Variants in MAML3 observed in about 807,000 individuals in gnomAD.
The protein encoded by MAML3 is mastermind like transcriptional coactivator 3, also known as mastermind-like protein 3.
Under a neutral mutation model 101.9 loss-of-function variants are expected in MAML3, and 27 were observed. The ratio of observed to expected loss-of-function variants is 0.27; its 90% confidence interval spans 0.20 to 0.37. The LOEUF is 0.37. Among genes scored for constraint, MAML3 ranks in the 10% least tolerant of loss-of-function variants. The probability of loss-of-function intolerance (pLI) is 1.00; values close to 1 mark genes in which losing one functional copy is unlikely to be tolerated. For missense variants in MAML3, 1,316 were observed against 1,444.9 expected (o/e 0.91, Z 1.45); for synonymous variants, 501 against 555.9 (o/e 0.90, Z 1.39).
intron 1 of MAML3, among the ~76,000 whole-genome samples, chr4:140,115,532 G>A (rs1728503885): frequency 6.6e-6 from 1 of 152,154 alleles, no homozygotes; most frequent in African/African-American, 2.4e-5. Context: ...CTAACACCAA[G>A]ACTGATCTGG....
intron 3 of MAML3, 36 bp downstream of exon 3, chr4:139,730,380 G>T (rs1728650896): frequency 1.3e-6 from 2 of 1,500,234 alleles, no homozygotes; most frequent in East Asian, 4.9e-5. Context: ...AGTGCTTGCT[G>T]AATGAATGAA....
At chr4:140,086,439 T>C (rs1727953510) in intron 1 of MAML3, among the ~76,000 whole-genome samples, 1 of 152,230 alleles carries the variant, frequency 6.6e-6, no homozygotes, top group Non-Finnish European at 1.5e-5. Context: ...TTCAAGTGGT[T>C]TTACATGCTT....
intron 2 of MAML3, among the ~76,000 whole-genome samples, chr4:139,825,261 G>A (rs1560805454): frequency 6.6e-6 from 1 of 152,086 alleles, no homozygotes; most frequent in Non-Finnish European, 1.5e-5. Context: ...GTGGGGTGAG[G>A]GGTGGCTGTG....
At chr4:140,104,413 A>ATT (rs1728314630) in intron 1 of MAML3, among the ~76,000 whole-genome samples, 13 of 29,674 alleles carry the variant, frequency 4.4e-4, no homozygotes, top group African/African-American at 1.0e-3. Flanking sequence ...TATATAATAT[A>ATT]ATATATAATA....
chr4:139,773,625 A>C (rs1366826074), intron 2 of MAML3, among the ~76,000 whole-genome samples: 3 of 152,234 alleles, frequency 2.0e-5, no homozygotes, highest in Non-Finnish European at 4.4e-5. Flanking sequence ...ATGGGTACAG[A>C]AGATGAGCCT....
At chr4:139,755,464 C>T (rs754370817) in intron 2 of MAML3, among the ~76,000 whole-genome samples, 2 of 152,004 alleles carry the variant, frequency 1.3e-5, no homozygotes, top group Admixed American at 6.6e-5. Flanking sequence ...AAAAATTAGC[C>T]GGGTGTGGTG....
chr4:139,950,461 G>C (rs1442841358), intron 1 of MAML3, among the ~76,000 whole-genome samples: 1 of 152,086 alleles, frequency 6.6e-6, no homozygotes, highest in Non-Finnish European at 1.5e-5. Flanking sequence ...TCCTCTATTT[G>C]TTCTGTCTCT....
At chr4:139,943,690 C>T (rs1028857986) in intron 1 of MAML3, among the ~76,000 whole-genome samples, 3 of 152,114 alleles carry the variant, frequency 2.0e-5, no homozygotes, top group African/African-American at 7.2e-5. Context: ...AATGCCTACA[C>T]TGAATGTACA....
chr4:140,117,127 C>T (rs1255710155), intron 1 of MAML3, among the ~76,000 whole-genome samples: 2 of 152,066 alleles, frequency 1.3e-5, no homozygotes, highest in Non-Finnish European at 2.9e-5. Flanking sequence ...TCCTTTTACC[C>T]TTAGTGTGAT....
At chr4:140,023,301 A>T (rs1726766437) in intron 1 of MAML3, among the ~76,000 whole-genome samples, 1 of 152,226 alleles carries the variant, frequency 6.6e-6, no homozygotes. Flanking sequence ...CGTTCTGTCC[A>T]GTCATGCAGC....
chr4:140,122,239 T>TAA (rs1553977870), intron 1 of MAML3, among the ~76,000 whole-genome samples: 3 of 150,148 alleles, frequency 2.0e-5, no homozygotes, highest in African/African-American at 7.4e-5. Context: ...TTTTTTTTTT[T>TAA]AAACAGAGTT....
chr4:139,761,543 C>T (rs917480843), intron 2 of MAML3, among the ~76,000 whole-genome samples: 10 of 152,228 alleles, frequency 6.6e-5, no homozygotes, highest in Admixed American at 2.6e-4. Flanking sequence ...CAGTTCCTAA[C>T]CTTCTCCACT....
At chr4:140,139,489 G>A (rs923100243) in intron 1 of MAML3, among the ~76,000 whole-genome samples, 10 of 152,030 alleles carry the variant, frequency 6.6e-5, no homozygotes, top group African/African-American at 1.7e-4. Context: ...ACAGGAGTTC[G>A]AGACCAGCCT....
chr4:140,116,741 A>G (rs147014416), intron 1 of MAML3, among the ~76,000 whole-genome samples: 1,959 of 152,314 alleles, frequency 0.013, 45 homozygotes, highest in African/African-American at 0.045. Context: ...AGGTTTTTAG[A>G]AAGCTAAACA....
At chr4:140,011,233 CAT>C (rs70943468) in intron 1 of MAML3, among the ~76,000 whole-genome samples, 59 of 119,904 alleles carry the variant, frequency 4.9e-4, no homozygotes, top group African/African-American at 1.2e-3. Context: ...ATAAAGTGTG[CAT>C]ATATATATAT....
chr4:140,030,331 G>A (rs1314457906), intron 1 of MAML3, among the ~76,000 whole-genome samples: 9 of 152,196 alleles, frequency 5.9e-5, no homozygotes. Flanking sequence ...ATAAGGCACT[G>A]GACAACACAC....
intron 2 of MAML3, among the ~76,000 whole-genome samples, chr4:139,869,930 T>A (rs552928682): frequency 3.3e-5 from 5 of 152,356 alleles, no homozygotes; most frequent in African/African-American, 1.2e-4. Context: ...CAAAATTGCA[T>A]AAGGTTTAAG....
At chr4:139,904,229 T>C (rs1732775909) in intron 1 of MAML3, among the ~76,000 whole-genome samples, 1 of 152,226 alleles carries the variant, frequency 6.6e-6, no homozygotes, top group Non-Finnish European at 1.5e-5. Context: ...CCACCCAGTG[T>C]GTGGTACTGG....
chr4:140,069,791 T>A (rs1727613695), intron 1 of MAML3, among the ~76,000 whole-genome samples: 1 of 150,984 alleles, frequency 6.6e-6, no homozygotes, highest in East Asian at 2.0e-4. Context: ...AATCATACCA[T>A]GGAGAAAGAT....
Sources: allele counts gnomAD v4.1 joint callset (sites outside exome capture counted in the v4.1 genomes callset), GRCh38; gene constraint gnomAD v4.1.1; transcripts MANE v1.5; gene names NCBI Gene and HGNC (gene_info 2026-07-23, HGNC 2026-07-21).